Variants in OPCML observed in about 807,000 individuals in gnomAD.
OPCML encodes the protein opioid-binding protein/cell adhesion molecule.
In OPCML, 13 loss-of-function variants were observed where a neutral mutation model predicts 37.8. That is an observed-to-expected ratio of 0.34 (90% CI 0.22 to 0.55). The LOEUF is 0.55. Ranked by LOEUF, OPCML falls within the 20% of genes least tolerant of loss-of-function variation. The pLI is 0.91. For missense variants in OPCML, 341 were observed against 435.6 expected (o/e 0.78, Z 1.93); for synonymous variants, 176 against 168.8 (o/e 1.04, Z -0.33).
At chr11:132,545,943 A>C (rs1357375421) in intron 3 of OPCML, among the ~76,000 whole-genome samples, 1 of 152,242 alleles carries the variant, frequency 6.6e-6, no homozygotes, top group Non-Finnish European at 1.5e-5. Flanking sequence ...CTTAAAATGT[A>C]AATGCATCTG....
At chr11:133,475,963 G>C (rs1423037488) in intron 1 of OPCML, among the ~76,000 whole-genome samples, 1 of 152,190 alleles carries the variant, frequency 6.6e-6, no homozygotes, top group African/African-American at 2.4e-5. Context: ...GTAGCAAGCT[G>C]CATCCATTTG....
intron 2 of OPCML, among the ~76,000 whole-genome samples, chr11:132,791,135 G>A (rs1937880026): frequency 1.3e-5 from 2 of 152,196 alleles, no homozygotes. Context: ...CAGAGCTGCT[G>A]ACATCAAAGC....
intron 4 of OPCML, among the ~76,000 whole-genome samples, chr11:132,518,772 G>A (rs1423970787): frequency 3.3e-5 from 5 of 152,096 alleles, no homozygotes; most frequent in Non-Finnish European, 7.3e-5. Context: ...TCTCCCACTA[G>A]ACCATAGGCT....
At chr11:133,349,922 C>T (rs1193009071) in intron 1 of OPCML, among the ~76,000 whole-genome samples, 1 of 152,198 alleles carries the variant, frequency 6.6e-6, no homozygotes, top group African/African-American at 2.4e-5. Context: ...TAAAAATCAA[C>T]TTTTCATTGA....
intron 3 of OPCML, among the ~76,000 whole-genome samples, chr11:132,617,852 C>T (rs1403661153): frequency 6.6e-6 from 1 of 152,216 alleles, no homozygotes; most frequent in African/African-American, 2.4e-5. Flanking sequence ...ACCTTATGAA[C>T]CCATTTAACT....
intron 2 of OPCML, among the ~76,000 whole-genome samples, chr11:132,828,043 TG>T (rs1940464951): frequency 6.6e-6 from 1 of 152,102 alleles, no homozygotes; most frequent in Non-Finnish European, 1.5e-5. Context: ...ATCCAGGCAA[TG>T]GAATATTATT....
At position 132,529,107 on chromosome 11, in the gene OPCML, A is replaced by G. The variant is rs145182728; in HGVS notation, c.459T>C (p.Ile153=). The G allele has an allele frequency of 7.1e-4, 1,138 of 1,613,522 alleles. 2 individuals are homozygous for G. Among genetic ancestry groups the G allele is most frequent in the Non-Finnish European group, 8.8e-4 (1,039 of 1,179,608 alleles). The change falls in exon 4 of 8, where the codon ATT becomes ATC. Residue 153 remains isoleucine, a synonymous_variant. Transcript: ENST00000524381. ...GSSVTLLCLA[I]GRPEPTVTWR... is the part of the protein sequence containing the mutation. The stretch of plus-strand genomic sequence containing the variant: ...ATGTCACAGTTGGCTCTGGTCTGCC[A>G]ATAGCAAGACACAGCAGGGTCACAC...
At chr11:132,439,688 A>T (rs1001647059) in intron 4 of OPCML, among the ~76,000 whole-genome samples, 4 of 114,728 alleles carry the variant, frequency 3.5e-5, no homozygotes, top group Non-Finnish European at 5.5e-5. Context: ...GACGTTCCAG[A>T]CACCTCGCCA....
chr11:132,765,291 C>T (rs1004704889), intron 2 of OPCML, among the ~76,000 whole-genome samples: 3 of 152,290 alleles, frequency 2.0e-5, no homozygotes, highest in Admixed American at 1.3e-4. Context: ...AACAAGACGT[C>T]GTCAGTGAGT....
At chr11:132,666,304 G>T (rs183533972) in intron 2 of OPCML, among the ~76,000 whole-genome samples, 235 of 152,288 alleles carry the variant, frequency 1.5e-3, no homozygotes, top group Middle Eastern at 3.4e-3. Context: ...CACATGGCAA[G>T]AGAGGGAGCA....
At chr11:132,635,064 A>G (rs1940400351) in intron 3 of OPCML, among the ~76,000 whole-genome samples, 1 of 152,186 alleles carries the variant, frequency 6.6e-6, no homozygotes, top group Admixed American at 6.5e-5. Flanking sequence ...ATCATTTTTA[A>G]CTGTGAGACG....
At chr11:132,556,940 G>T (rs1321946073) in intron 3 of OPCML, among the ~76,000 whole-genome samples, 1 of 152,142 alleles carries the variant, frequency 6.6e-6, no homozygotes, top group African/African-American at 2.4e-5. Context: ...TGAAACCCAT[G>T]AGGAAGAGAG....
At position 133,007,349 on chromosome 11, in the gene OPCML, T is replaced by A. The variant is rs891531300; in HGVS notation, c.62-64339A>T. 6 of 985,336 alleles carry A rather than the reference T, an allele frequency of 6.1e-6. No homozygotes were observed. In the African/African-American group the frequency reaches 1.0e-4, roughly 17 times the overall value. The allele number at this position is 985,336 out of a possible 1,614,324, so 61.0% of individuals were successfully genotyped here. A position where few individuals can be genotyped will look rare whatever the true frequency, so the allele number is the denominator to read the frequency against. ...GAACTCTGGATTGATTTAACCTCCC[T>A]TATCTGTGTGATTAGCTCAGCCACA... On this transcript the variant is annotated intron_variant, in intron 1 of 7. Transcript: ENST00000524381.
At chr11:132,745,433 A>T (rs1308651220) in intron 2 of OPCML, among the ~76,000 whole-genome samples, 1 of 151,912 alleles carries the variant, frequency 6.6e-6, no homozygotes, top group Non-Finnish European at 1.5e-5. Flanking sequence ...CTGGAGCCTT[A>T]AGCACTTGTC....
At chr11:133,295,901 A>T (rs549512024) in intron 1 of OPCML, among the ~76,000 whole-genome samples, 148 of 152,302 alleles carry the variant, frequency 9.7e-4, no homozygotes, top group Admixed American at 4.0e-3. Flanking sequence ...ATACATTTGC[A>T]CTCCTTTGAC....
At chr11:133,084,885 G>T (rs1465491078) in intron 1 of OPCML, among the ~76,000 whole-genome samples, 1 of 152,102 alleles carries the variant, frequency 6.6e-6, no homozygotes, top group Non-Finnish European at 1.5e-5. Context: ...TAAGAACCAT[G>T]ATATAAAAAT....
rs779380703 is a variant in OPCML at position 132,943,340 on chromosome 11, C to G, written c.62-330G>C. On this transcript the variant is annotated intron_variant, in intron 1 of 7. Coordinates refer to ENST00000524381, the MANE Select transcript of OPCML (RefSeq NM_001012393.5). The surrounding 1 kb of genome is among the most constrained non-coding windows in gnomAD (Gnocchi z 4.3). ...CTGCATCCAAAAAGAGCTTTCTTGA[C>G]GCTCCCCTGGGGAGGAGGGAGGCGG... is the stretch of plus-strand genomic sequence containing the variant. The G allele has an allele frequency of 1.2e-4, 70 of 574,034 alleles. No homozygotes were observed. Among genetic ancestry groups the G allele is most frequent in the Non-Finnish European group, 2.0e-4 (67 of 329,202 alleles). 35.6% of individuals were successfully genotyped at this position (574,034 alleles called of 1,614,324 possible).
At chr11:132,511,018 A>G (rs1185441773) in intron 4 of OPCML, among the ~76,000 whole-genome samples, 1 of 152,188 alleles carries the variant, frequency 6.6e-6, no homozygotes, top group Non-Finnish European at 1.5e-5. Context: ...ACTGACTGGT[A>G]TGAAAGAGTA....
intron 1 of OPCML, among the ~76,000 whole-genome samples, chr11:133,281,426 T>G (rs1005457749): frequency 6.6e-6 from 1 of 152,052 alleles, no homozygotes; most frequent in Non-Finnish European, 1.5e-5. Flanking sequence ...ACATGCTGGG[T>G]CCCTGTCACC....
Sources: allele counts gnomAD v4.1 joint callset (sites outside exome capture counted in the v4.1 genomes callset), GRCh38; gene constraint gnomAD v4.1.1; non-coding constraint Gnocchi (gnomAD v3.1); transcripts MANE v1.5; gene names NCBI Gene and HGNC (gene_info 2026-07-23, HGNC 2026-07-21).